STXBP2: variants seen among roughly 807,000 people sequenced by gnomAD.
STXBP2 encodes the protein syntaxin binding protein 2.
Under a neutral mutation model 72.2 loss-of-function variants are expected in STXBP2, and 47 were observed. The ratio of observed to expected loss-of-function variants is 0.65; its 90% CI spans 0.51 to 0.83. The LOEUF is 0.83. Among genes scored for constraint, STXBP2 ranks in the 40% least tolerant of loss-of-function variants. The pLI is 0.00. For missense variants in STXBP2, 702 were observed against 807.6 expected, an observed-to-expected ratio of 0.87 and a Z score of 1.58; for synonymous variants, 367 against 338.7, an observed-to-expected ratio of 1.08 and a Z score of -0.92.
intron 3 of STXBP2, 140 bp downstream of exon 3, chr19:7,639,240 A>G: frequency 1.1e-6 from 1 of 910,748 alleles, no homozygotes; most frequent in Non-Finnish European, 1.8e-6. Flanking sequence ...CTGCACGGAC[A>G]GCCCGGATCA....
intron 14 of STXBP2, 188 bp from the exon 15 acceptor site, chr19:7,645,009 G>A: frequency 6.9e-7 from 1 of 1,450,916 alleles, no homozygotes; most frequent in Non-Finnish European, 9.1e-7. Flanking sequence ...CAGCTCATCT[G>A]GAGGAGCCCC....
At chr19:7,631,395 T>TGGGGGGG in the STXBP2 span, 2 of 318,036 alleles carry the variant, frequency 6.3e-6, no homozygotes, top group Non-Finnish European at 1.0e-5. Flanking sequence ...GTGGGAGAGG[T>TGGGGGGG]GGGCGGGGGG....
At chr19:7,636,020 C>CT (rs1426796149), upstream of STXBP2, among the ~76,000 whole-genome samples, 19 of 152,212 alleles carry the variant, frequency 1.2e-4, no homozygotes, top group Non-Finnish European at 2.4e-4. Flanking sequence ...AAGGCTGCTT[C>CT]TTCAGAGAGG....
At chr19:7,631,338 T>G in the STXBP2 span, 1 of 1,398,902 alleles carries the variant, frequency 7.1e-7, no homozygotes, top group Non-Finnish European at 9.3e-7. Flanking sequence ...GGCAGGGGGC[T>G]TCCAGTGAAG....
the STXBP2 span, chr19:7,630,427 G>A: frequency 3.6e-5 from 24 of 661,626 alleles, 1 homozygote; most frequent in Middle Eastern, 4.1e-4. Flanking sequence ...CGAGGTTTCT[G>A]TACCCTTGGT....
intron 1 of STXBP2, 81 bp from the exon 2 acceptor site, chr19:7,638,645 C>T (rs1483642513): frequency 1.4e-6 from 2 of 1,463,354 alleles, no homozygotes; most frequent in Non-Finnish European, 1.9e-6. Context: ...GATGGGGGTT[C>T]AGCCCCAAGG....
chr19:7,643,970 G>C (rs1482149971), intron 13 of STXBP2, among the ~76,000 whole-genome samples: 5 of 150,016 alleles, frequency 3.3e-5, no homozygotes, highest in African/African-American at 7.4e-5. Flanking sequence ...ATCTGGGTGA[G>C]GCACGGGGCC....
chr19:7,638,938 C>T (rs1438815748), intron 2 of STXBP2, 81 bp from the exon 3 acceptor site: 105 of 1,583,430 alleles, frequency 6.6e-5, no homozygotes, highest in Non-Finnish European at 9.0e-5. Context: ...AACTGCCCCT[C>T]CCACTGCCTT....
the STXBP2 span, chr19:7,631,702 G>A: frequency 6.9e-7 from 1 of 1,453,518 alleles, no homozygotes; most frequent in East Asian, 2.6e-5. Context: ...GGGGGCTTGT[G>A]TCGGGGGCTG....
intron 1 of STXBP2, among the ~76,000 whole-genome samples, chr19:7,637,995 C>T (rs1323533870): frequency 6.6e-6 from 1 of 152,232 alleles, no homozygotes; most frequent in Non-Finnish European, 1.5e-5. Context: ...AGGCATGCCT[C>T]AGAGCTGGGA....
chr19:7,640,328 G>T (rs1221937516), intron 4 of STXBP2: 2 of 558,344 alleles, frequency 3.6e-6, no homozygotes, highest in South Asian at 1.6e-5. Context: ...GTGTGTGCGT[G>T]TGTATGCGTG....
intron 16 of STXBP2, 138 bp from the exon 17 acceptor site, chr19:7,647,023 TG>T: frequency 1.2e-6 from 1 of 831,926 alleles, no homozygotes; most frequent in Non-Finnish European, 1.9e-6. Flanking sequence ...CCTAGACTCC[TG>T]GGTCCCCCAG....
upstream of STXBP2, among the ~76,000 whole-genome samples, chr19:7,634,689 A>G (rs1011053859): frequency 3.9e-5 from 6 of 152,244 alleles, no homozygotes; most frequent in African/African-American, 9.6e-5. Context: ...TTTTTTTAAC[A>G]AATTTATTGA....
chr19:7,641,056 C>A lies in STXBP2; in HGVS notation c.429+53C>A, dbSNP rs767643320. On this transcript the variant is annotated intron_variant, in intron 6 of 18. Coordinates refer to ENST00000221283, the MANE Select transcript of STXBP2 (RefSeq NM_006949.4). The stretch of plus-strand genomic sequence containing the variant: ...GGGTGGGGGTTTGTGACCAAATGTC[C>A]CCTGTTCCCTCAGAAACAGACACTG... 1.9e-5 allele frequency: 30 copies of A among 1,575,836 alleles called. No homozygotes were observed. The African/African-American group carries it at 3.8e-4, about 20-fold the overall frequency.
At chr19:7,646,940 A>T in intron 16 of STXBP2, 1 of 598,804 alleles carries the variant, frequency 1.7e-6, no homozygotes, top group Non-Finnish European at 3.0e-6. Context: ...GTACCCAAGG[A>T]GTTATGGAAT....
At chr19:7,632,999 T>C (rs2031394261), upstream of STXBP2, 1 of 1,435,212 alleles carries the variant, frequency 7.0e-7, no homozygotes. This position sits in a 1 kb window ranked among gnomAD's most constrained non-coding sequence, Gnocchi z 5.2. Flanking sequence ...GAATGAGACA[T>C]GAGTCTCCTT....
chr19:7,645,473 A>C, intron 15 of STXBP2, 167 bp downstream of exon 15: 1 of 630,580 alleles, frequency 1.6e-6, no homozygotes, highest in Non-Finnish European at 2.8e-6. Flanking sequence ...GGCCCAGAGG[A>C]CACTGGGGCC....
At chr19:7,630,517 G>T in the STXBP2 span, 3 of 1,386,968 alleles carry the variant, frequency 2.2e-6, no homozygotes, top group African/African-American at 4.3e-5. Flanking sequence ...AGGCTCTGAG[G>T]AGCCTCTGCA....
upstream of STXBP2, among the ~76,000 whole-genome samples, chr19:7,634,236 G>A (rs8104879): frequency 4.9e-4 from 75 of 152,050 alleles, no homozygotes; most frequent in African/African-American, 1.8e-3. Flanking sequence ...CTTTTCCCCC[G>A]AGCCACTGTG....
Sources: allele counts gnomAD v4.1 joint callset (sites outside exome capture counted in the v4.1 genomes callset), GRCh38; gene constraint gnomAD v4.1.1; non-coding constraint Gnocchi (gnomAD v3.1); transcripts MANE v1.5; gene names NCBI Gene and HGNC (gene_info 2026-07-23, HGNC 2026-07-21).